Variants in MAML3 observed in about 807,000 individuals in gnomAD.
MAML3 encodes the protein mastermind-like protein 3.
Under a neutral mutation model 101.9 loss-of-function variants are expected in MAML3, and 27 were observed. That is an observed-to-expected ratio of 0.27 (90% CI 0.20 to 0.37). The LOEUF (loss-of-function observed/expected upper bound fraction) is 0.37, where lower values mean the gene tolerates loss of function less well. Among genes scored for constraint, MAML3 ranks in the 10% least tolerant of loss-of-function variants. The pLI is 1.00. For synonymous variants in MAML3, 501 were observed against 555.9 expected (o/e 0.90, Z 1.39); for missense variants, 1,316 against 1,444.9 (o/e 0.91, Z 1.45).
At chr4:139,746,922 G>A (rs1040977891) in intron 2 of MAML3, among the ~76,000 whole-genome samples, 1 of 152,162 alleles carries the variant, frequency 6.6e-6, no homozygotes, top group Non-Finnish European at 1.5e-5. Context: ...CTGCTGTCCT[G>A]GACTAGGCCA....
At chr4:140,113,574 C>T (rs746092836) in intron 1 of MAML3, among the ~76,000 whole-genome samples, 29 of 152,134 alleles carry the variant, frequency 1.9e-4, no homozygotes, top group Non-Finnish European at 3.5e-4. Context: ...GTAGACAGTA[C>T]CAACTACATT....
chr4:140,119,696 A>T (rs569391744), intron 1 of MAML3, among the ~76,000 whole-genome samples: 1 of 142,864 alleles, frequency 7.0e-6, no homozygotes, highest in Non-Finnish European at 1.5e-5. Context: ...ATCATAGCTC[A>T]CTGCAGCCTC....
chr4:139,719,748 T>G lies in MAML3; in HGVS notation c.2992A>C (p.Thr998Pro). 1 of 1,613,750 alleles carries G rather than the reference T, an allele frequency of 6.2e-7. No homozygotes were observed. Among genetic ancestry groups the G allele is most frequent in the South Asian group, 1.1e-5 (1 of 91,060 alleles). ...AGTCCCTGTGGGAAGTGCTGCTTGGTCAGTCTCGGCTGCCCAGCTTGAAGA... is the reference window on the plus strand; with the variant it reads ...AGTCCCTGTGGGAAGTGCTGCTTGGGCAGTCTCGGCTGCCCAGCTTGAAGA... ...YPLQAGQPRL[T>P]KQHFPQGLSQ... The change falls in exon 5 of 5, where the codon ACC becomes CCC. Residue 998 changes from threonine (T) to proline (P), a missense_variant. Physicochemically the swap from Thr to Pro is conservative, Grantham distance 38 (BLOSUM62 -1). Transcript: ENST00000509479.
At chr4:140,004,440 T>C (rs1726407354) in intron 1 of MAML3, among the ~76,000 whole-genome samples, 1 of 152,190 alleles carries the variant, frequency 6.6e-6, no homozygotes, top group South Asian at 2.1e-4. Flanking sequence ...TCCTCACTTC[T>C]TTGAAGCTCA....
intron 1 of MAML3, among the ~76,000 whole-genome samples, chr4:140,146,830 G>T (rs1219618823): frequency 2.0e-5 from 3 of 151,968 alleles, no homozygotes; most frequent in Non-Finnish European, 4.4e-5. Flanking sequence ...TAGTGCCAAT[G>T]ACTATACTGA....
At chr4:140,029,307 G>A (rs1726872769) in intron 1 of MAML3, among the ~76,000 whole-genome samples, 1 of 152,180 alleles carries the variant, frequency 6.6e-6, no homozygotes, top group Non-Finnish European at 1.5e-5. Context: ...CACTGCCACT[G>A]CGATTAGAAC....
At chr4:140,119,135 TC>T (rs150500035) in intron 1 of MAML3, among the ~76,000 whole-genome samples, 2,190 of 152,270 alleles carry the variant, frequency 0.014, 60 homozygotes, top group African/African-American at 0.049. Flanking sequence ...TTTTCAGAAT[TC>T]ACCCCGATAA....
At chr4:139,918,837 A>G (rs1733073603) in intron 1 of MAML3, among the ~76,000 whole-genome samples, 1 of 152,206 alleles carries the variant, frequency 6.6e-6, no homozygotes, top group Admixed American at 6.5e-5. Flanking sequence ...CTTAGAATGT[A>G]AACAGGAATC....
chr4:139,851,909 A>C (rs1731561108), intron 2 of MAML3, among the ~76,000 whole-genome samples: 1 of 152,170 alleles, frequency 6.6e-6, no homozygotes, highest in South Asian at 2.1e-4. Context: ...GGAAACAGAG[A>C]AGTGAAAGCC....
chr4:139,792,584 C>T (rs1730433362), intron 2 of MAML3, among the ~76,000 whole-genome samples: 2 of 152,118 alleles, frequency 1.3e-5, no homozygotes, highest in Non-Finnish European at 2.9e-5. Flanking sequence ...TTATAAGCTA[C>T]CCAGACAGCA....
chr4:139,842,907 A>G (rs575618325), intron 2 of MAML3, among the ~76,000 whole-genome samples: 2 of 149,680 alleles, frequency 1.3e-5, no homozygotes, highest in South Asian at 4.2e-4. Flanking sequence ...CCTCCCGAGT[A>G]GCTGGAATTA....
Position 140,015,322 on chromosome 4 carries a change from C to A in MAML3, c.469-124355G>T, listed in dbSNP as rs1726624529. Among the ~76,000 whole-genome samples the A allele has an allele frequency of 2.6e-5, 4 of 152,302 alleles. No individual in the cohort carries two copies. The South Asian group carries it at 6.2e-4, about 24-fold the overall frequency. ...ATCAATAAAAAGGATGTCTATCACTCTGGGTTACCCTGTTTTGCATAAGTC... is the reference window on the plus strand; with the variant it reads ...ATCAATAAAAAGGATGTCTATCACTATGGGTTACCCTGTTTTGCATAAGTC... On this transcript the variant is annotated intron_variant, in intron 1 of 4. Coordinates refer to ENST00000509479, the MANE Select transcript of MAML3 (RefSeq NM_018717.5).
intron 1 of MAML3, among the ~76,000 whole-genome samples, chr4:140,008,040 G>A (rs956404224): frequency 6.6e-6 from 1 of 152,164 alleles, no homozygotes; most frequent in African/African-American, 2.4e-5. Context: ...TTTACCCTAG[G>A]CTAGTCCCAG....
intron 1 of MAML3, chr4:140,133,069 G>T: frequency 2.3e-6 from 1 of 441,926 alleles, no homozygotes; most frequent in Non-Finnish European, 4.5e-6. Flanking sequence ...AACAGAGATG[G>T]ATTTCTATCA....
At chr4:139,954,426 T>G (rs1244141503) in intron 1 of MAML3, among the ~76,000 whole-genome samples, 1 of 152,216 alleles carries the variant, frequency 6.6e-6, no homozygotes, top group Non-Finnish European at 1.5e-5. Context: ...GTGGAACACC[T>G]TTGTCAGAAT....
intron 2 of MAML3, among the ~76,000 whole-genome samples, chr4:139,807,394 T>A (rs1199394051): frequency 6.6e-6 from 1 of 152,176 alleles, no homozygotes; most frequent in Non-Finnish European, 1.5e-5. Flanking sequence ...GATTCGGAAT[T>A]ACCTTAAACC....
intron 2 of MAML3, among the ~76,000 whole-genome samples, chr4:139,779,183 T>G (rs2111077395): frequency 6.6e-6 from 1 of 152,272 alleles, no homozygotes; most frequent in South Asian, 2.1e-4. Flanking sequence ...TTGAGCAAGG[T>G]TGATGTAATC....
intron 1 of MAML3, among the ~76,000 whole-genome samples, chr4:140,047,733 G>A (rs1224687635): frequency 1.7e-5 from 2 of 120,510 alleles, no homozygotes; most frequent in Non-Finnish European, 3.2e-5. Flanking sequence ...CCCCAAAATG[G>A]GCACAGCAGA....
At chr4:139,953,471 C>T (rs1470337313) in intron 1 of MAML3, among the ~76,000 whole-genome samples, 2 of 152,064 alleles carry the variant, frequency 1.3e-5, no homozygotes, top group African/African-American at 2.4e-5. Flanking sequence ...ACTAAAAATA[C>T]AAAAATTAGC....
Sources: gnomAD v4.1 joint callset for allele counts (sites outside exome capture counted in the v4.1 genomes callset) on GRCh38, gnomAD v4.1.1 for gene constraint, MANE v1.5 for transcripts, NCBI Gene and HGNC (gene_info 2026-07-23, HGNC 2026-07-21) for gene names.